The following RABGAP1L variants were observed in gnomAD, a reference collection of about 807,000 sequenced individuals.
RABGAP1L encodes RAB GTPase activating protein 1 like, also known as rab GTPase-activating protein 1-like.
RABGAP1L carries 63 observed loss-of-function variants against 137.7 expected under a neutral mutation model. That is an observed-to-expected ratio of 0.46 (90% CI 0.37 to 0.56). RABGAP1L has a LOEUF of 0.56. Ranked by LOEUF, RABGAP1L falls within the 20% of genes least tolerant of loss-of-function variation. The pLI is 0.00. For missense variants in RABGAP1L, 1,095 were observed against 1,244.0 expected, an observed-to-expected ratio of 0.88 and a Z score of 1.80; for synonymous variants, 431 against 433.7, an observed-to-expected ratio of 0.99 and a Z score of 0.08.
At chr1:174,359,308 G>A (rs1683936982) in intron 11 of RABGAP1L, among the ~76,000 whole-genome samples, 1 of 151,938 alleles carries the variant, frequency 6.6e-6, no homozygotes, top group Non-Finnish European at 1.5e-5. Context: ...ATCTGCTACA[G>A]TAGGAAATTT....
intron 10 of RABGAP1L, among the ~76,000 whole-genome samples, chr1:174,281,042 C>T (rs909503660): frequency 6.6e-5 from 10 of 152,040 alleles, no homozygotes; most frequent in Non-Finnish European, 7.4e-5. Context: ...CCGGTGGGTT[C>T]GTGATCTTGC....
At chr1:174,525,056 T>A (rs1663758645) in intron 13 of RABGAP1L, among the ~76,000 whole-genome samples, 1 of 152,150 alleles carries the variant, frequency 6.6e-6, no homozygotes, top group African/African-American at 2.4e-5. Context: ...TCTTGTAATA[T>A]AATGTGATGT....
chr1:174,774,557 T>G (rs1190164030), intron 18 of RABGAP1L, among the ~76,000 whole-genome samples: 1 of 152,044 alleles, frequency 6.6e-6, no homozygotes, highest in Non-Finnish European at 1.5e-5. Context: ...AAGATTTTTT[T>G]TTTTTCTATT....
intron 13 of RABGAP1L, among the ~76,000 whole-genome samples, chr1:174,494,250 T>C (rs1660545096): frequency 6.6e-6 from 1 of 152,144 alleles, no homozygotes; most frequent in African/African-American, 2.4e-5. Flanking sequence ...TGTGTTGATG[T>C]TCTGTTTTTC....
chr1:174,176,138 G>A (rs1292529647), intron 1 of RABGAP1L, among the ~76,000 whole-genome samples: 7 of 152,126 alleles, frequency 4.6e-5, no homozygotes, highest in Non-Finnish European at 8.8e-5. Context: ...AAAGGGAGGA[G>A]TATTTTAATA....
chr1:174,675,125 G>A (rs1179069546), intron 14 of RABGAP1L, among the ~76,000 whole-genome samples: 1 of 152,184 alleles, frequency 6.6e-6, no homozygotes, highest in East Asian at 1.9e-4. Context: ...GGCTTTTGTT[G>A]CCATTGCTTT....
At chr1:174,746,088 C>T (rs1228661613) in intron 17 of RABGAP1L, among the ~76,000 whole-genome samples, 1 of 152,196 alleles carries the variant, frequency 6.6e-6, no homozygotes, top group Non-Finnish European at 1.5e-5. Flanking sequence ...CACAATCTGT[C>T]AGCTCTCTCT....
At chr1:174,681,225 C>G (rs1194772409) in intron 14 of RABGAP1L, among the ~76,000 whole-genome samples, 2 of 152,064 alleles carry the variant, frequency 1.3e-5, no homozygotes, top group African/African-American at 4.8e-5. Context: ...GGTATTTATT[C>G]AAGGAAAATG....
intron 13 of RABGAP1L, among the ~76,000 whole-genome samples, chr1:174,472,450 G>A (rs1658050376): frequency 6.6e-6 from 1 of 152,206 alleles, no homozygotes; most frequent in African/African-American, 2.4e-5. Flanking sequence ...CAGGTTTGGT[G>A]ATTTGCTAGG....
chr1:174,731,988 G>A (rs566985482), intron 17 of RABGAP1L, among the ~76,000 whole-genome samples: 1 of 152,222 alleles, frequency 6.6e-6, no homozygotes, highest in Admixed American at 6.5e-5. Flanking sequence ...GGATCACAAG[G>A]TCAAGAGATT....
At chr1:174,914,967 A>G (rs1054803831) in intron 19 of RABGAP1L, among the ~76,000 whole-genome samples, 43 of 152,336 alleles carry the variant, frequency 2.8e-4, no homozygotes, top group African/African-American at 1.0e-3. Context: ...AATCTCTGCT[A>G]TAGTAAATAA....
At chr1:174,672,916 T>G (rs1357174683) in intron 14 of RABGAP1L, among the ~76,000 whole-genome samples, 1 of 152,150 alleles carries the variant, frequency 6.6e-6, no homozygotes, top group Non-Finnish European at 1.5e-5. Flanking sequence ...CATGAACAAA[T>G]CTCAGAGTTC....
chr1:174,302,040 A>G (rs1298937235), intron 10 of RABGAP1L, among the ~76,000 whole-genome samples: 1 of 152,202 alleles, frequency 6.6e-6, no homozygotes, highest in African/African-American at 2.4e-5. Context: ...CTGTCAATAT[A>G]AAGATCCAGG....
chr1:174,567,296 T>C (rs577843224), intron 13 of RABGAP1L, among the ~76,000 whole-genome samples: 1 of 152,308 alleles, frequency 6.6e-6, no homozygotes, highest in South Asian at 2.1e-4. Context: ...ATCTGCCTTA[T>C]TTCACTAAGC....
In RABGAP1L at chr1:174,241,827, A is replaced by T. The variant is rs1373707467; in HGVS notation, c.717+170A>T. Among the ~76,000 whole-genome samples, 3 of 152,364 alleles carry T rather than the reference A, an allele frequency of 2.0e-5. No individual in the cohort carries two copies. The East Asian group carries it at 5.8e-4, about 29-fold the overall frequency. ...CTGAATGTGGAAAGCCAAGTCTGGTATATCTGCATAGGTAGGGCACTCTCA... is the reference window on the plus strand; with the variant it reads ...CTGAATGTGGAAAGCCAAGTCTGGTTTATCTGCATAGGTAGGGCACTCTCA... On this transcript the variant is annotated intron_variant, in intron 5 of 25. Coordinates refer to ENST00000681986, the MANE Select transcript of RABGAP1L (RefSeq NM_001366446.1).
At chr1:174,599,610 A>AAAGTTT (rs1670262651) in intron 13 of RABGAP1L, among the ~76,000 whole-genome samples, 1 of 152,096 alleles carries the variant, frequency 6.6e-6, no homozygotes, top group Admixed American at 6.5e-5. Context: ...TCACTGGATA[A>AAAGTTT]AAGTTTTTTT....
chr1:174,196,227 C>T (rs1196394629), intron 1 of RABGAP1L, among the ~76,000 whole-genome samples: 12 of 141,058 alleles, frequency 8.5e-5, no homozygotes, highest in Non-Finnish European at 1.6e-4. Flanking sequence ...TTCTTTCTTT[C>T]TTTTTTTTTT....
At chr1:174,340,426 C>T (rs1023868072) in intron 11 of RABGAP1L, among the ~76,000 whole-genome samples, 1 of 152,144 alleles carries the variant, frequency 6.6e-6, no homozygotes, top group African/African-American at 2.4e-5. Flanking sequence ...TGATACTCCC[C>T]CTTCCCCACT....
chr1:174,701,127 C>G (rs934849615), intron 16 of RABGAP1L: 2 of 1,304,366 alleles, frequency 1.5e-6, no homozygotes, highest in South Asian at 2.5e-5. Context: ...ATGAAGGTGG[C>G]CTTTGTCTTT....
Sources: allele counts gnomAD v4.1 joint callset (sites outside exome capture counted in the v4.1 genomes callset), GRCh38; gene constraint gnomAD v4.1.1; transcripts MANE v1.5; gene names NCBI Gene and HGNC (gene_info 2026-07-23, HGNC 2026-07-21).